NSF: variants seen among roughly 807,000 people sequenced by gnomAD.
NSF encodes vesicle-fusing ATPase.
NSF carries 14 observed loss-of-function variants against 50.3 expected under a neutral mutation model. That is an observed-to-expected ratio of 0.28 (90% CI 0.18 to 0.44). The LOEUF is 0.44. Among genes scored for constraint, NSF ranks in the 20% least tolerant of loss-of-function variants. The pLI, the probability that NSF is intolerant of heterozygous loss-of-function variation, is 1.00. For missense variants in NSF, 218 were observed against 504.3 expected (o/e 0.43, Z 5.44); for synonymous variants, 109 against 175.7 (o/e 0.62, Z 3.00).
chr17:46,709,138 A>G (rs1401565658), intron 13 of NSF, among the ~76,000 whole-genome samples: 1 of 152,056 alleles, frequency 6.6e-6, no homozygotes, highest in Non-Finnish European at 1.5e-5. Flanking sequence ...TATATTCTTA[A>G]CAATAATTAT....
Position 46,725,732 on chromosome 17 carries a change from G to A in NSF, c.1762-817G>A, listed in dbSNP as rs199450. On this transcript the variant is annotated intron_variant, in intron 15 of 20. Transcript: ENST00000398238. ...GGGATCGGGTTTACTATCTTGGTGTGCTGAGGTTGGTTACCAACCAGAGAG... is the reference window on the plus strand; with the variant it reads ...GGGATCGGGTTTACTATCTTGGTGTACTGAGGTTGGTTACCAACCAGAGAG... Among the ~76,000 whole-genome samples the A allele has an allele frequency of 9.9e-3, 1,500 of 152,206 alleles. 14 individuals are homozygous for A. The highest frequency in any genetic ancestry group is 0.037 in the Middle Eastern group (11 of 294).
At chr17:46,720,172 A>G (rs1342006365) in intron 15 of NSF, among the ~76,000 whole-genome samples, 1 of 152,220 alleles carries the variant, frequency 6.6e-6, no homozygotes, top group Non-Finnish European at 1.5e-5. Context: ...TAACATCCTA[A>G]TATATAATGT....
chr17:46,741,199 C>T (rs1202279450), intron 17 of NSF, among the ~76,000 whole-genome samples: 1 of 152,192 alleles, frequency 6.6e-6, no homozygotes, highest in Non-Finnish European at 1.5e-5. Context: ...CCAGGTTTCT[C>T]ATCTGCAAAA....
chr17:46,752,259 A>G (rs1474812345), intron 19 of NSF, among the ~76,000 whole-genome samples: 1 of 152,108 alleles, frequency 6.6e-6, no homozygotes, highest in East Asian at 1.9e-4. Flanking sequence ...TCTCCTGGCA[A>G]CTTACCTTTC....
intron 17 of NSF, among the ~76,000 whole-genome samples, chr17:46,729,169 A>G (rs2058923312): frequency 6.6e-6 from 1 of 152,136 alleles, no homozygotes; most frequent in African/African-American, 2.4e-5. Flanking sequence ...GTGGAATACA[A>G]CAATTAGCAT....
intron 17 of NSF, among the ~76,000 whole-genome samples, chr17:46,734,349 A>G (rs911965673): frequency 6.6e-6 from 1 of 152,220 alleles, no homozygotes; most frequent in East Asian, 1.9e-4. Context: ...ATTAATTTTA[A>G]TCCACTGATG....
At chr17:46,754,684 A>G (rs776191336) in intron 19 of NSF, among the ~76,000 whole-genome samples, 1 of 152,230 alleles carries the variant, frequency 6.6e-6, no homozygotes, top group Non-Finnish European at 1.5e-5. Context: ...CACCTGAAAC[A>G]AAGTTGCGCC....
intron 9 of NSF, among the ~76,000 whole-genome samples, chr17:46,688,239 A>G (rs1409384171): frequency 6.6e-6 from 1 of 150,998 alleles, no homozygotes; most frequent in Non-Finnish European, 1.5e-5. Context: ...AGCTGGGCCC[A>G]ATGGCTCACG....
chr17:46,722,040 G>C, intron 15 of NSF: 1 of 1,609,220 alleles, frequency 6.2e-7, no homozygotes, highest in Non-Finnish European at 8.5e-7. Context: ...GTAATATTCA[G>C]CTCCCTGAGC....
At chr17:46,745,189 G>A (rs2059115815) in intron 17 of NSF, among the ~76,000 whole-genome samples, 1 of 152,222 alleles carries the variant, frequency 6.6e-6, no homozygotes, top group Non-Finnish European at 1.5e-5. Context: ...GCTGCTGGCA[G>A]TGTTTCCCTT....
chr17:46,753,108 A>C (rs970995813), intron 19 of NSF, among the ~76,000 whole-genome samples: 4 of 152,324 alleles, frequency 2.6e-5, no homozygotes, highest in Non-Finnish European at 4.4e-5. Flanking sequence ...AATTCATTTT[A>C]CAGTTAGGTA....
chr17:46,710,822 G>T, intron 13 of NSF, 141 bp from the exon 14 acceptor site: 1 of 678,378 alleles, frequency 1.5e-6, no homozygotes, highest in Non-Finnish European at 2.2e-6. Context: ...AATTATACAA[G>T]TTGTTTTGCT....
At chr17:46,721,653 T>C (rs1790684806) in intron 15 of NSF, 4 of 1,601,172 alleles carry the variant, frequency 2.5e-6, no homozygotes, top group Non-Finnish European at 3.4e-6. Context: ...CCAGAAAAAG[T>C]TTCAACCTTG....
intron 17 of NSF, among the ~76,000 whole-genome samples, chr17:46,743,045 A>T (rs2059092251): frequency 6.6e-6 from 1 of 152,128 alleles, no homozygotes; most frequent in Non-Finnish European, 1.5e-5. Flanking sequence ...CGCTGCCATG[A>T]GTCCTTCTGA....
intron 9 of NSF, among the ~76,000 whole-genome samples, chr17:46,691,631 A>G (rs1383326078): frequency 3.3e-5 from 5 of 151,690 alleles, no homozygotes; most frequent in Admixed American, 6.6e-5. Flanking sequence ...TTATATCCTT[A>G]TCGGAGATTT....
chr17:46,735,693 C>G (rs1050121967), intron 17 of NSF, among the ~76,000 whole-genome samples: 8 of 152,054 alleles, frequency 5.3e-5, no homozygotes, highest in Admixed American at 2.0e-4. Flanking sequence ...GCCTGTAATC[C>G]CAGCACTTTG....
chr17:46,721,712 C>T (rs2058832420), intron 15 of NSF: 15 of 1,606,694 alleles, frequency 9.3e-6, no homozygotes, highest in South Asian at 7.7e-5. Flanking sequence ...CTTTATGAGC[C>T]GGCTGCTATC....
At chr17:46,708,772 G>T (rs2058684078) in intron 13 of NSF, among the ~76,000 whole-genome samples, 1 of 144,616 alleles carries the variant, frequency 6.9e-6, no homozygotes, top group African/African-American at 2.5e-5. Context: ...AGGATTATGG[G>T]CATGAGCCAC....
chr17:46,748,532 G>T (rs1414403511), intron 17 of NSF, among the ~76,000 whole-genome samples: 1 of 152,176 alleles, frequency 6.6e-6, no homozygotes, highest in Admixed American at 6.5e-5. Context: ...CACTCTTTCT[G>T]AGGAAGCTTT....
Sources: gnomAD v4.1 joint callset for allele counts (sites outside exome capture counted in the v4.1 genomes callset) on GRCh38, gnomAD v4.1.1 for gene constraint, MANE v1.5 for transcripts, NCBI Gene and HGNC (gene_info 2026-07-23, HGNC 2026-07-21) for gene names.